The following KCTD18 variants were observed in gnomAD, a reference collection of about 807,000 sequenced individuals.
KCTD18 encodes BTB/POZ domain-containing protein KCTD18.
A neutral mutation model predicts 30.4 loss-of-function variants in KCTD18; 22 were observed. That is an observed-to-expected ratio of 0.72 (90% CI 0.52 to 1.03). The LOEUF (loss-of-function observed/expected upper bound fraction) is 1.03, where lower values mean the gene tolerates loss of function less well. KCTD18 is among the 50% of genes least tolerant of loss of function. The pLI is 0.00. For missense variants in KCTD18, 529 were observed against 547.6 expected, an observed-to-expected ratio of 0.97 and a Z score of 0.34; for synonymous variants, 186 against 209.0, an observed-to-expected ratio of 0.89 and a Z score of 0.95.
At chr2:200,501,874 C>G (rs1464806960) in intron 3 of KCTD18, among the ~76,000 whole-genome samples, 18 of 150,644 alleles carry the variant, frequency 1.2e-4, no homozygotes, top group Admixed American at 1.2e-3. Flanking sequence ...ATAGCAAAGA[C>G]TTGGAACCAA....
Position 200,493,216 on chromosome 2 carries a change from C to T in KCTD18, c.720G>A (p.Arg240=), listed in dbSNP as rs764031587. The T allele has an allele frequency of 3.1e-6, 5 of 1,613,590 alleles. No homozygotes were observed. Among genetic ancestry groups the T allele is most frequent in the Non-Finnish European group, 3.4e-6 (4 of 1,179,634 alleles). Residue 240 remains arginine (R), a synonymous_variant, in exon 6 of 7, where the codon CGG becomes CGA. Transcript: ENST00000359878. Reference sequence around the variant, plus strand: ...TGTGACGCAGGCTTCCAAGTAAAGGCCGTTCTTCTAGAGTCCAACACTCTA... The same window carrying T: ...TGTGACGCAGGCTTCCAAGTAAAGGTCGTTCTTCTAGAGTCCAACACTCTA... ...ELIECWTLEE[R]PLLGSLRHMA...
chr2:200,501,183 T>G (rs886795290), intron 3 of KCTD18, among the ~76,000 whole-genome samples: 9 of 152,030 alleles, frequency 5.9e-5, no homozygotes, highest in Non-Finnish European at 1.3e-4. Flanking sequence ...ATGAAAACCC[T>G]AGAAGAAAAC....
chr2:200,497,280 C>T (rs539288655), intron 5 of KCTD18: 2 of 159,522 alleles, frequency 1.3e-5, no homozygotes, highest in South Asian at 1.8e-4. Context: ...AACTACTTAT[C>T]GGGGATATAA....
Position 200,490,292 on chromosome 2 carries a change from C to A in KCTD18, c.1089G>T (p.Lys363Asn), listed in dbSNP as rs746693054. 1.2e-6 allele frequency: 2 copies of A among 1,614,238 alleles called. No homozygotes were observed. The highest frequency in any genetic ancestry group is 2.2e-5 in the South Asian group (2 of 91,088). The stretch of plus-strand genomic sequence containing the variant: ...TAGGCTTCTTGTCGGAGAGTAGCAC[C>A]TTAGCTGGAGGTAAGTGCGTGCCTC... ...ENGGTHLPPA[K>N]VLLSDKKPTP... Residue 363 changes from lysine to asparagine, a missense_variant, in exon 7 of 7, where the codon AAG (lysine) becomes AAT (asparagine). By Grantham distance (94) the Lys-to-Asn change is moderately conservative. Transcript: ENST00000359878.
At chr2:200,508,616 G>A (rs927765726) in intron 1 of KCTD18, among the ~76,000 whole-genome samples, 13 of 152,170 alleles carry the variant, frequency 8.5e-5, no homozygotes, top group Admixed American at 4.6e-4. Flanking sequence ...AACTAAGATC[G>A]TTTTGTAGAT....
chr2:200,491,782 A>G (rs2087921200), intron 6 of KCTD18, among the ~76,000 whole-genome samples: 1 of 152,148 alleles, frequency 6.6e-6, no homozygotes, highest in African/African-American at 2.4e-5. Flanking sequence ...GGTGACTGCA[A>G]TCCTCTCACT....
intron 2 of KCTD18, among the ~76,000 whole-genome samples, chr2:200,505,811 TGC>T (rs2030157689): frequency 6.6e-6 from 1 of 151,760 alleles, no homozygotes; most frequent in Non-Finnish European, 1.5e-5. Context: ...AGAAACACTA[TGC>T]TGGTACTACT....
rs1455478026 is a variant in KCTD18, at chr2:200,501,650, A to T, written c.373-2566T>A. Among the ~76,000 whole-genome samples the T allele has an allele frequency of 3.6e-4, 51 of 142,360 alleles. 1 individual carries two copies. Among genetic ancestry groups the T allele is most frequent in the African/African-American group, 1.3e-3 (49 of 37,952 alleles). 93.4% of individuals were successfully genotyped at this position (142,360 alleles called of 152,430 possible). ...AGTCAGGAAACAACAGGTGCTGGAG[A>T]GGATGTGGAGAAATAGGAACACTTT... On this transcript the variant is annotated intron_variant, in intron 3 of 6. Coordinates refer to ENST00000359878, the MANE Select transcript of KCTD18 (RefSeq NM_152387.4).
intron 3 of KCTD18, among the ~76,000 whole-genome samples, chr2:200,502,020 A>C (rs1440609770): frequency 2.0e-5 from 3 of 152,044 alleles, no homozygotes; most frequent in Non-Finnish European, 4.4e-5. Flanking sequence ...CATCATTCTC[A>C]GTAAACTATC....
Position 200,504,799 on chromosome 2 carries a change from C to T in KCTD18, c.321G>A (p.Leu107=). The change falls in exon 3 of 7, where the codon TTG becomes TTA. Residue 107 remains leucine (L), a synonymous_variant. Coordinates refer to ENST00000359878, the MANE Select transcript of KCTD18 (RefSeq NM_152387.4). ...AAGAATATGTCTCCATTTCATTGGC[C>T]AAATGGTCAGACAGGCTGTATGGAT... ...IPYPYSLSDH[L]ANEMETYSLR... is the part of the protein sequence containing the mutation. 6.2e-7 allele frequency: 1 copy of T among 1,614,068 alleles called. No homozygotes were observed. The highest frequency in any genetic ancestry group is 8.5e-7 in the Non-Finnish European group (1 of 1,180,004).
intron 3 of KCTD18, 36 bp from the exon 4 acceptor site, chr2:200,499,120 T>C: frequency 6.9e-7 from 1 of 1,457,782 alleles, no homozygotes. Flanking sequence ...TTGAATTTAA[T>C]TCTAGAGTAA....
intron 5 of KCTD18, among the ~76,000 whole-genome samples, chr2:200,495,597 G>A (rs939984615): frequency 6.6e-6 from 1 of 151,994 alleles, no homozygotes; most frequent in Non-Finnish European, 1.5e-5. Context: ...TTACTCATCT[G>A]GTATATAAAA....
chr2:200,498,030 T>C (rs2088023246), intron 4 of KCTD18, among the ~76,000 whole-genome samples, 183 bp from the exon 5 acceptor site: 1 of 152,048 alleles, frequency 6.6e-6, no homozygotes, highest in Non-Finnish European at 1.5e-5. Flanking sequence ...GTACACATTA[T>C]ATAATATACT....
At chr2:200,502,929 C>G (rs541043399) in intron 3 of KCTD18, among the ~76,000 whole-genome samples, 12 of 151,742 alleles carry the variant, frequency 7.9e-5, no homozygotes, top group Non-Finnish European at 1.6e-4. Flanking sequence ...ACTCAGGAGG[C>G]TGAGGCAGGA....
In KCTD18 at chr2:200,504,844, A is replaced by G. The variant is rs755955953; in HGVS notation, c.276T>C (p.Ala92=). Reference sequence around the variant, plus strand: ...ATGGATAAGGGATGCCAAAGTAATCAGCCTCTTCCTGTAGGGCGATGCGGG... The same window carrying G: ...ATGGATAAGGGATGCCAAAGTAATCGGCCTCTTCCTGTAGGGCGATGCGGG... ...EQTRIALQEE[A]DYFGIPYPYS... Residue 92 remains alanine, a synonymous_variant, in exon 3 of 7, where the codon GCT becomes GCC. Coordinates refer to ENST00000359878, the MANE Select transcript of KCTD18 (RefSeq NM_152387.4). The G allele has an allele frequency of 6.2e-7, 1 of 1,614,234 alleles. No individual in the cohort carries two copies. Among genetic ancestry groups the G allele is most frequent in the Non-Finnish European group, 8.5e-7 (1 of 1,180,032 alleles).
intron 2 of KCTD18, among the ~76,000 whole-genome samples, chr2:200,506,354 G>A (rs557243867): frequency 2.0e-5 from 3 of 152,224 alleles, no homozygotes; most frequent in South Asian, 4.1e-4. Context: ...TGCCTCTGAC[G>A]GTATCACTGC....
chr2:200,493,670 G>C (rs1018957349), intron 5 of KCTD18, among the ~76,000 whole-genome samples: 1 of 152,216 alleles, frequency 6.6e-6, no homozygotes, highest in African/African-American at 2.4e-5. Context: ...GTGAAATGAT[G>C]ACAATAATAG....
At chr2:200,508,973 A>G (rs2030362347) in intron 1 of KCTD18, among the ~76,000 whole-genome samples, 2 of 152,222 alleles carry the variant, frequency 1.3e-5, no homozygotes, top group Admixed American at 6.5e-5. Flanking sequence ...ACAATTCTAC[A>G]AATATACTGT....
intron 6 of KCTD18, 68 bp from the exon 7 acceptor site, chr2:200,490,684 G>A: frequency 6.8e-7 from 1 of 1,473,606 alleles, no homozygotes; most frequent in African/African-American, 1.4e-5. Context: ...CATCTCCCAA[G>A]TTTACCTTCA....
Sources: allele counts gnomAD v4.1 joint callset (sites outside exome capture counted in the v4.1 genomes callset), GRCh38; gene constraint gnomAD v4.1.1; transcripts MANE v1.5; gene names NCBI Gene and HGNC (gene_info 2026-07-23, HGNC 2026-07-21).